Variants in ZNG1E observed in about 807,000 individuals in gnomAD.
The protein encoded by ZNG1E is zinc-regulated GTPase metalloprotein activator 1E.
chr9:65,677,888 C>T, the ZNG1E span, among the ~76,000 whole-genome samples: 192 of 149,512 alleles, frequency 1.3e-3, no homozygotes, highest in East Asian at 5.5e-3. Context: ...TTAGGTTCTC[C>T]ATAGCATTTT....
At chr9:65,661,914 C>A in the ZNG1E span, among the ~76,000 whole-genome samples, 1 of 152,268 alleles carries the variant, frequency 6.6e-6, no homozygotes. Flanking sequence ...TTTAATAAAG[C>A]TGTAATTTTG....
At chr9:65,658,086 C>G in the ZNG1E span, among the ~76,000 whole-genome samples, 1 of 121,210 alleles carries the variant, frequency 8.3e-6, no homozygotes, top group East Asian at 2.2e-4. Flanking sequence ...GCAACAAGAG[C>G]AAAACTCCGT....
chr9:65,660,574 T>C, the ZNG1E span, among the ~76,000 whole-genome samples: 1 of 152,250 alleles, frequency 6.6e-6, no homozygotes, highest in South Asian at 2.1e-4. Context: ...CCTGTAACTT[T>C]AACATTAGTG....
chr9:65,719,556 AT>A, the ZNG1E span: 1 of 123,234 alleles, frequency 8.1e-6, no homozygotes, highest in Non-Finnish European at 1.6e-5. Flanking sequence ...GAAAATTTAT[AT>A]TTATGGATAC....
At chr9:65,667,243 A>G in the ZNG1E span, among the ~76,000 whole-genome samples, 3 of 152,156 alleles carry the variant, frequency 2.0e-5, no homozygotes, top group Non-Finnish European at 4.4e-5. Flanking sequence ...AATTAATTTT[A>G]ATCTGTGTAT....
At chr9:65,691,281 C>T in the ZNG1E span, among the ~76,000 whole-genome samples, 12,731 of 101,872 alleles carry the variant, frequency 0.12, 6 homozygotes, top group African/African-American at 0.19. Flanking sequence ...CGGGGTTTCG[C>T]CATGTTGGCC....
At chr9:65,687,906 A>G in the ZNG1E span, among the ~76,000 whole-genome samples, 584 of 151,028 alleles carry the variant, frequency 3.9e-3, no homozygotes, top group African/African-American at 0.013. Flanking sequence ...TCCCTAAATT[A>G]TAATATGCCC....
the ZNG1E span, among the ~76,000 whole-genome samples, chr9:65,659,288 T>A: frequency 6.6e-6 from 1 of 150,840 alleles, no homozygotes. Flanking sequence ...CCAGGTCAGG[T>A]GTTCAAGACC....
At chr9:65,717,230 C>CTT in the ZNG1E span, among the ~76,000 whole-genome samples, 1 of 146,284 alleles carries the variant, frequency 6.8e-6, no homozygotes, top group South Asian at 2.2e-4. Flanking sequence ...TCATATAAAG[C>CTT]TTTTGTTTTA....
the ZNG1E span, among the ~76,000 whole-genome samples, chr9:65,700,000 T>C: frequency 6.6e-6 from 1 of 151,326 alleles, no homozygotes; most frequent in South Asian, 2.1e-4. Flanking sequence ...GTAAATACTT[T>C]GCAAATGGGT....
At chr9:65,723,551 GAT>G in the ZNG1E span, among the ~76,000 whole-genome samples, 1 of 148,020 alleles carries the variant, frequency 6.8e-6, no homozygotes, top group Admixed American at 6.7e-5. Context: ...CTGGTGGCCA[GAT>G]ATTATAGTAT....
At chr9:65,680,656 G>T in the ZNG1E span, among the ~76,000 whole-genome samples, 6 of 152,356 alleles carry the variant, frequency 3.9e-5, no homozygotes, top group East Asian at 9.6e-4. Context: ...GAACTTCACC[G>T]TTTGGTATAT....
chr9:65,674,520 G>A, the ZNG1E span, among the ~76,000 whole-genome samples: 1 of 152,248 alleles, frequency 6.6e-6, no homozygotes, highest in Non-Finnish European at 1.5e-5. Context: ...TTTGAAAGAG[G>A]GATAACACTC....
the ZNG1E span, among the ~76,000 whole-genome samples, chr9:65,701,786 TTCTAA>T: frequency 1.4e-5 from 2 of 144,366 alleles, no homozygotes; most frequent in Non-Finnish European, 3.0e-5. Context: ...GACACTGGTC[TTCTAA>T]TCTTGTTTCC....
chr9:65,660,510 G>A, the ZNG1E span, among the ~76,000 whole-genome samples: 4 of 152,382 alleles, frequency 2.6e-5, no homozygotes, highest in East Asian at 3.9e-4. Context: ...CGTTGGAAGT[G>A]TGGGGAGATA....
chr9:65,678,154 A>T, the ZNG1E span, among the ~76,000 whole-genome samples: 2 of 145,956 alleles, frequency 1.4e-5, no homozygotes, highest in South Asian at 4.3e-4. Context: ...CTCTTAGAAG[A>T]TTTCTTACAT....
chr9:65,685,286 C>T, the ZNG1E span, among the ~76,000 whole-genome samples: 1 of 152,262 alleles, frequency 6.6e-6, no homozygotes, highest in African/African-American at 2.4e-5. Flanking sequence ...GTGGCTATGG[C>T]AATTTCATAA....
the ZNG1E span, among the ~76,000 whole-genome samples, chr9:65,687,548 G>A: frequency 2.6e-5 from 4 of 152,220 alleles, no homozygotes; most frequent in African/African-American, 9.6e-5. Flanking sequence ...TGTTTGATTG[G>A]CTGGATTTCT....
At chr9:65,710,587 C>G in the ZNG1E span, among the ~76,000 whole-genome samples, 1 of 152,094 alleles carries the variant, frequency 6.6e-6, no homozygotes, top group Non-Finnish European at 1.5e-5. Context: ...AGCCAGTTTT[C>G]CCAGAACCAT....
Sources: allele counts gnomAD v4.1 joint callset (sites outside exome capture counted in the v4.1 genomes callset), GRCh38; gene constraint gnomAD v4.1.1; transcripts MANE v1.5; gene names NCBI Gene and HGNC (gene_info 2026-07-23, HGNC 2026-07-21).